HERC5: variants seen among roughly 807,000 people sequenced by gnomAD.
The protein encoded by HERC5 is E3 ISG15--protein ligase HERC5.
HERC5 carries 99 observed loss-of-function variants against 119.6 expected under a neutral mutation model. The ratio of observed to expected loss-of-function variants is 0.83; its 90% CI spans 0.70 to 0.98. The LOEUF is 0.98. Ranked by LOEUF, HERC5 falls within the 50% of genes least tolerant of loss-of-function variation. HERC5 has a pLI of 0.00. For missense variants in HERC5, 1,267 were observed against 1,241.3 expected (o/e 1.02, Z -0.31); for synonymous variants, 478 against 445.9 (o/e 1.07, Z -0.91).
intron 12 of HERC5, among the ~76,000 whole-genome samples, chr4:88,478,961 A>C (rs1741175486): frequency 2.0e-5 from 3 of 152,140 alleles, no homozygotes; most frequent in Admixed American, 6.5e-5. Flanking sequence ...TTTACTATTT[A>C]TATGTATCCC....
intron 6 of HERC5, among the ~76,000 whole-genome samples, chr4:88,465,527 C>G (rs1435702902): frequency 6.6e-6 from 1 of 152,164 alleles, no homozygotes; most frequent in African/African-American, 2.4e-5. Flanking sequence ...TGAGTCTCTT[C>G]ACCAAAGAAG....
Position 88,457,432 on chromosome 4 carries a change from C to A in HERC5, c.163C>A (p.Gln55Lys). Reference sequence around the variant, plus strand: ...GCTCCGGAGGGTGGAGGTGACGCGCCAACTCTGCTGCTCGCCGGGGCGCCT... The same window carrying A: ...GCTCCGGAGGGTGGAGGTGACGCGCAAACTCTGCTGCTCGCCGGGGCGCCT... The part of the protein sequence containing the change: ...ALLRRVEVTR[Q>K]LCCSPGRLAV... Residue 55 changes from glutamine to lysine, a missense_variant, in exon 1 of 23, where the codon CAA (glutamine) becomes AAA (lysine). By Grantham distance (53) the Gln-to-Lys change is moderately conservative. Around this residue, in one of 3 missense-constraint regions of HERC5, gnomAD observed 777 missense variants for 758.0 expected, o/e 1.03. Coordinates refer to ENST00000264350, the MANE Select transcript of HERC5 (RefSeq NM_016323.4). 7.3e-7 allele frequency: 1 copy of A among 1,360,600 alleles called. No homozygotes were observed. The highest frequency in any genetic ancestry group is 9.4e-7 in the Non-Finnish European group (1 of 1,060,336). 84.3% of individuals were successfully genotyped at this position (1,360,600 alleles called of 1,614,324 possible). A position where few individuals can be genotyped will look rare whatever the true frequency, so the allele number is the denominator to read the frequency against.
intron 18 of HERC5, 53 bp from the exon 19 acceptor site, chr4:88,499,873 G>T: frequency 8.2e-7 from 1 of 1,222,224 alleles, no homozygotes; most frequent in Non-Finnish European, 1.2e-6. Context: ...TAGATGCTGT[G>T]TCTAGTGATC....
chr4:88,469,849 A>G (rs1740806248), intron 9 of HERC5, among the ~76,000 whole-genome samples: 1 of 152,236 alleles, frequency 6.6e-6, no homozygotes, highest in Admixed American at 6.5e-5. Flanking sequence ...CTAGCATGTA[A>G]GCGCCATGAG....
intron 1 of HERC5, among the ~76,000 whole-genome samples, chr4:88,458,620 A>G (rs1298722407): frequency 6.6e-6 from 1 of 152,082 alleles, no homozygotes; most frequent in Admixed American, 6.6e-5. Context: ...TTCCCCTAGC[A>G]TTTGTAATAT....
chr4:88,462,411 T>G (rs1454116079), intron 4 of HERC5, 55 bp downstream of exon 4: 2 of 1,412,078 alleles, frequency 1.4e-6, no homozygotes, highest in African/African-American at 2.8e-5. Flanking sequence ...GTTAGATGAA[T>G]TTAATGGACC....
intron 18 of HERC5, among the ~76,000 whole-genome samples, chr4:88,495,104 A>G (rs1285257795): frequency 1.3e-5 from 2 of 152,230 alleles, no homozygotes; most frequent in Non-Finnish European, 1.5e-5. Context: ...ACTTTCAGAA[A>G]TACACAACCA....
At chr4:88,472,807 A>G (rs1740921347) in intron 11 of HERC5, among the ~76,000 whole-genome samples, 1 of 152,144 alleles carries the variant, frequency 6.6e-6, no homozygotes, top group Non-Finnish European at 1.5e-5. Flanking sequence ...ATGATTAAGG[A>G]TTTGTTGAGA....
chr4:88,466,766 G>A (rs1053730971), intron 6 of HERC5, among the ~76,000 whole-genome samples: 8 of 152,218 alleles, frequency 5.3e-5, no homozygotes, highest in Admixed American at 2.6e-4. Flanking sequence ...GTTTCCAAGA[G>A]GTGGTGACTC....
Position 88,505,230 on chromosome 4 carries a change from C to T in HERC5, c.2870-443C>T, listed in dbSNP as rs78430807. Among the ~76,000 whole-genome samples the T allele has an allele frequency of 7.1e-3, 1,087 of 152,288 alleles. 12 individuals carry two copies. Among genetic ancestry groups the T allele is most frequent in the African/African-American group, 0.024 (1,009 of 41,560 alleles). ...TCCAGGCCTTTCTGTGAAGTTCCTT[C>T]TCCTGCCTTGAACCTCACCTACCTC... On this transcript the variant is annotated intron_variant, in intron 22 of 22. Transcript: ENST00000264350.
chr4:88,500,346 T>C (rs1741913321), intron 19 of HERC5, among the ~76,000 whole-genome samples: 1 of 152,210 alleles, frequency 6.6e-6, no homozygotes, highest in Non-Finnish European at 1.5e-5. Flanking sequence ...GGTCTTTCAT[T>C]CTCCAATAGG....
intron 15 of HERC5, among the ~76,000 whole-genome samples, chr4:88,488,782 G>A (rs1002077765): frequency 7.3e-5 from 11 of 151,550 alleles, no homozygotes; most frequent in Admixed American, 6.6e-5. Context: ...ACTTCTCTTC[G>A]GAATGAGAGA....
rs758486816 is a variant in HERC5, at chr4:88,489,228, C to T, written c.2025C>T (p.Phe675=). 1.4e-5 allele frequency: 23 copies of T among 1,613,678 alleles called. No homozygotes were observed. The South Asian group carries it at 1.9e-4, about 13-fold the overall frequency. The change falls in exon 16 of 23, where the codon TTC becomes TTT. Residue 675 remains phenylalanine, a synonymous_variant. Coordinates refer to ENST00000264350, the MANE Select transcript of HERC5 (RefSeq NM_016323.4). The stretch of plus-strand genomic sequence containing the variant: ...TTGAGGAAGAAAGAGAGTCTGAATT[C>T]GCTTTGAGGCCCACGTTTGATCTAA... ...AAIEEERESE[F]ALRPTFDLTV... is the part of the protein sequence containing the mutation.
chr4:88,473,985 G>C (rs1740963488), intron 11 of HERC5: 1 of 152,198 alleles, frequency 6.6e-6, no homozygotes, highest in Non-Finnish European at 1.5e-5. Flanking sequence ...TTTCTATCTT[G>C]AGGTTCTGCG....
In HERC5 at chr4:88,460,186, ATAT is replaced by A. The variant is rs1740375801; in HGVS notation, c.466+18_466+20del. On this transcript the variant is annotated intron_variant, in intron 3 of 22. Transcript: ENST00000264350. ...ACTCTCAAAAGGTAATTTTTCTGTA[ATAT>A]TAATAGTTTTGTAGAAGTAATACCT... 1 of 1,364,554 alleles carries A rather than the reference ATAT, an allele frequency of 7.3e-7. No individual in the cohort carries two copies. The highest frequency in any genetic ancestry group is 1.0e-6 in the Non-Finnish European group (1 of 959,346). The allele number at this position is 1,364,554 out of a possible 1,614,324, so 84.5% of individuals were successfully genotyped here. A position where few individuals can be genotyped will look rare whatever the true frequency, so the allele number is the denominator to read the frequency against.
chr4:88,478,756 A>C (rs558700370), intron 12 of HERC5, among the ~76,000 whole-genome samples: 4 of 151,794 alleles, frequency 2.6e-5, no homozygotes, highest in Admixed American at 2.6e-4. Flanking sequence ...GGCCACAGAC[A>C]TGTGCCACCA....
intron 13 of HERC5, 76 bp downstream of exon 13, chr4:88,479,583 TTAAG>T (rs1741204430): frequency 8.0e-7 from 1 of 1,246,256 alleles, no homozygotes; most frequent in Non-Finnish European, 1.1e-6. Flanking sequence ...GCTTGAATCT[TTAAG>T]TAGACTCGTG....
In HERC5 at chr4:88,460,175, AT is replaced by A. The variant is rs1740375300; in HGVS notation, c.466+9del. ...CATTCTCTTGCACTCTCAAAAGGTA[AT>A]TTTTCTGTAATATTAATAGTTTTGT... On this transcript the variant is annotated splice_donor_5th_base_variant and intron_variant, in intron 3 of 22. Transcript: ENST00000264350. 9.5e-6 allele frequency: 14 copies of A among 1,465,978 alleles called. No homozygotes were observed. Among genetic ancestry groups the A allele is most frequent in the Non-Finnish European group, 1.3e-5 (14 of 1,051,154 alleles). 90.8% of individuals were successfully genotyped at this position (1,465,978 alleles called of 1,614,324 possible). A position where few individuals can be genotyped will look rare whatever the true frequency, so the allele number is the denominator to read the frequency against.
intron 9 of HERC5, among the ~76,000 whole-genome samples, 176 bp from the exon 10 acceptor site, chr4:88,470,438 G>A (rs1014869245): frequency 1.3e-5 from 2 of 152,148 alleles, no homozygotes; most frequent in Non-Finnish European, 2.9e-5. Flanking sequence ...TTACCAAACA[G>A]AATGGACTTT....
Sources: allele counts gnomAD v4.1 joint callset (sites outside exome capture counted in the v4.1 genomes callset), GRCh38; gene constraint gnomAD v4.1.1; regional missense constraint gnomAD v4.1.1; transcripts MANE v1.5; gene names NCBI Gene and HGNC (gene_info 2026-07-23, HGNC 2026-07-21).